The following DCC variants were observed in gnomAD, a reference collection of about 807,000 sequenced individuals.
DCC encodes netrin receptor DCC.
Under a neutral mutation model 172.5 loss-of-function variants are expected in DCC, and 58 were observed. That is an observed-to-expected ratio of 0.34 (90% CI 0.27 to 0.42). The LOEUF is 0.42. Among genes scored for constraint, DCC ranks in the 10% least tolerant of loss-of-function variants. The pLI is 1.00. For missense variants in DCC, 1,740 were observed against 1,791.0 expected, an observed-to-expected ratio of 0.97 and a Z score of 0.51; for synonymous variants, 709 against 644.5, an observed-to-expected ratio of 1.10 and a Z score of -1.52.
chr18:53,286,554 C>G (rs902619547), intron 12 of DCC, among the ~76,000 whole-genome samples: 1 of 152,202 alleles, frequency 6.6e-6, no homozygotes, highest in Admixed American at 6.5e-5. Flanking sequence ...TGAAAACAGA[C>G]TAATACACAA....
At chr18:52,778,442 G>A (rs2037473993) in intron 2 of DCC, among the ~76,000 whole-genome samples, 1 of 151,760 alleles carries the variant, frequency 6.6e-6, no homozygotes, top group Admixed American at 6.6e-5. Flanking sequence ...TTTTTTCCAG[G>A]CATTGGCTGA....
chr18:52,813,667 T>A lies in DCC; in HGVS notation c.412+61293T>A, dbSNP rs548127441. The stretch of plus-strand genomic sequence containing the variant: ...TCTTGGTATATCTGTGAGGTTGTTT[T>A]TGGTTGAGATTAACAGTTGAGTCAG... On this transcript the variant is annotated intron_variant, in intron 2 of 28. Coordinates refer to ENST00000442544, the MANE Select transcript of DCC (RefSeq NM_005215.4). Among the ~76,000 whole-genome samples the A allele has an allele frequency of 9.8e-5, 15 of 152,330 alleles. No homozygotes were observed. The South Asian group carries it at 3.1e-3, about 32-fold the overall frequency.
chr18:53,356,478 C>A (rs142954498), intron 15 of DCC, among the ~76,000 whole-genome samples: 52 of 152,148 alleles, frequency 3.4e-4, no homozygotes, highest in African/African-American at 1.2e-3. Context: ...TACATCAACA[C>A]CTTTTAGGTT....
chr18:52,363,916 T>C (rs1247378913), intron 1 of DCC, among the ~76,000 whole-genome samples: 3 of 152,188 alleles, frequency 2.0e-5, no homozygotes, highest in Non-Finnish European at 4.4e-5. Flanking sequence ...CACCCAGTCC[T>C]GGGAAACTCT....
At chr18:53,411,530 G>A (rs763269138) in intron 20 of DCC, among the ~76,000 whole-genome samples, 6 of 152,026 alleles carry the variant, frequency 3.9e-5, no homozygotes, top group African/African-American at 7.2e-5. Context: ...AGAAACACAC[G>A]TATGATTGGC....
chr18:52,791,557 C>T (rs1457075873), intron 2 of DCC, among the ~76,000 whole-genome samples: 1 of 151,970 alleles, frequency 6.6e-6, no homozygotes, highest in Non-Finnish European at 1.5e-5. Flanking sequence ...GCCATAGAAC[C>T]AGAGGAACTA....
intron 7 of DCC, among the ~76,000 whole-genome samples, chr18:53,110,479 C>T (rs1296645959): frequency 1.3e-5 from 2 of 151,612 alleles, no homozygotes; most frequent in African/African-American, 4.8e-5. Context: ...CCACTTTGGT[C>T]TAAGTTTAAG....
intron 1 of DCC, among the ~76,000 whole-genome samples, chr18:52,416,236 G>A (rs1237475017): frequency 1.3e-5 from 2 of 152,196 alleles, no homozygotes; most frequent in Non-Finnish European, 2.9e-5. Flanking sequence ...TGGTCTGAGA[G>A]ACAATTTGTT....
At chr18:53,098,201 G>GT (rs149457365) in intron 7 of DCC, among the ~76,000 whole-genome samples, 3,212 of 149,024 alleles carry the variant, frequency 0.022, 109 homozygotes, top group African/African-American at 0.072. Flanking sequence ...TCAGAATAGA[G>GT]TTTTTTTTTT....
intron 1 of DCC, among the ~76,000 whole-genome samples, chr18:52,737,123 G>C (rs758877749): frequency 6.6e-6 from 1 of 152,132 alleles, no homozygotes; most frequent in Non-Finnish European, 1.5e-5. Flanking sequence ...GTGCTCAGGA[G>C]ACCATGTCTT....
chr18:52,933,529 T>G (rs1297257348), intron 5 of DCC, among the ~76,000 whole-genome samples: 1 of 151,724 alleles, frequency 6.6e-6, no homozygotes, highest in African/African-American at 2.4e-5. Context: ...GGGAAGTGAA[T>G]TATGTGACTA....
At chr18:52,864,663 C>T (rs1237646420) in intron 2 of DCC, among the ~76,000 whole-genome samples, 1 of 152,050 alleles carries the variant, frequency 6.6e-6, no homozygotes, top group Non-Finnish European at 1.5e-5. Flanking sequence ...AGGTATTTCT[C>T]CTAATGCTAT....
intron 24 of DCC, among the ~76,000 whole-genome samples, chr18:53,462,780 C>CGGGG (rs2045576114): frequency 2.6e-5 from 4 of 152,068 alleles, no homozygotes; most frequent in African/African-American, 9.7e-5. Flanking sequence ...CCAGGCTTAC[C>CGGGG]ACCTAACACA....
chr18:53,015,547 A>T (rs1175976336), intron 5 of DCC, among the ~76,000 whole-genome samples: 1 of 152,166 alleles, frequency 6.6e-6, no homozygotes, highest in Non-Finnish European at 1.5e-5. Flanking sequence ...ATGTGAAGGG[A>T]AAATCTTGAA....
intron 5 of DCC, among the ~76,000 whole-genome samples, chr18:52,957,919 G>A (rs2040772832): frequency 2.0e-5 from 3 of 152,182 alleles, no homozygotes; most frequent in Admixed American, 1.3e-4. Context: ...GTTCAGATGA[G>A]CATTTTACAT....
chr18:52,418,408 T>A (rs1243657475), intron 1 of DCC, among the ~76,000 whole-genome samples: 1 of 152,090 alleles, frequency 6.6e-6, no homozygotes, highest in Non-Finnish European at 1.5e-5. Context: ...GTGCAAGCAG[T>A]GTTTTTGAGG....
chr18:53,506,364 A>AACTT (rs1438357036), intron 27 of DCC, among the ~76,000 whole-genome samples: 3 of 152,242 alleles, frequency 2.0e-5, no homozygotes, highest in African/African-American at 7.2e-5. Context: ...ACGATGAAAT[A>AACTT]ACTTACAAAT....
chr18:52,461,016 T>G (rs1988612525), intron 1 of DCC, among the ~76,000 whole-genome samples: 1 of 152,238 alleles, frequency 6.6e-6, no homozygotes, highest in Admixed American at 6.5e-5. Context: ...TTCTTTTGCT[T>G]TATAAACTTT....
intron 5 of DCC, among the ~76,000 whole-genome samples, chr18:53,047,411 A>T (rs2042264335): frequency 1.9e-5 from 2 of 106,080 alleles, no homozygotes; most frequent in Admixed American, 2.4e-4. Flanking sequence ...TATATATTTT[A>T]TGTATTATAT....
Sources: allele counts gnomAD v4.1 joint callset (sites outside exome capture counted in the v4.1 genomes callset), GRCh38; gene constraint gnomAD v4.1.1; transcripts MANE v1.5; gene names NCBI Gene and HGNC (gene_info 2026-07-23, HGNC 2026-07-21).